The following PCED1B variants were observed in gnomAD, a reference collection of about 807,000 sequenced individuals.
The protein encoded by PCED1B is PC-esterase domain containing 1B.
For synonymous variants in PCED1B, 251 were observed against 246.1 expected (o/e 1.02, Z -0.19); for missense variants, 573 against 573.9 (o/e 1.00, Z 0.02).
chr12:47,096,987 G>A (rs1487294502), intron 1 of PCED1B, among the ~76,000 whole-genome samples: 4 of 152,138 alleles, frequency 2.6e-5, no homozygotes, highest in Non-Finnish European at 5.9e-5. Flanking sequence ...ATACCCAGTC[G>A]AATTCAAACA....
At chr12:47,197,577 C>T (rs1942644773) in intron 2 of PCED1B, among the ~76,000 whole-genome samples, 1 of 151,618 alleles carries the variant, frequency 6.6e-6, no homozygotes, top group Non-Finnish European at 1.5e-5. Context: ...CATTGCACTC[C>T]AGCCTGGGCA....
intron 2 of PCED1B, among the ~76,000 whole-genome samples, chr12:47,191,300 T>G (rs1942432125): frequency 6.6e-6 from 1 of 152,140 alleles, no homozygotes; most frequent in South Asian, 2.1e-4. Flanking sequence ...TTTCCAGACT[T>G]TTTTCACTCC....
At chr12:47,167,277 T>G (rs1313244952) in intron 2 of PCED1B, among the ~76,000 whole-genome samples, 2 of 152,048 alleles carry the variant, frequency 1.3e-5, no homozygotes, top group South Asian at 2.1e-4. Flanking sequence ...TTTTGGGGGG[T>G]GTAGCATATC....
intron 1 of PCED1B, among the ~76,000 whole-genome samples, chr12:47,081,333 A>G (rs1218198320): frequency 6.6e-6 from 1 of 152,178 alleles, no homozygotes; most frequent in Non-Finnish European, 1.5e-5. Flanking sequence ...CACTTGAGCA[A>G]TCTTGAATTT....
chr12:47,152,185 G>T (rs1265612007), intron 2 of PCED1B, among the ~76,000 whole-genome samples: 3 of 152,168 alleles, frequency 2.0e-5, no homozygotes, highest in African/African-American at 7.2e-5. Context: ...TAGGATATTT[G>T]CAGAGTCTCA....
intron 2 of PCED1B, among the ~76,000 whole-genome samples, chr12:47,207,561 C>A (rs910043756): frequency 5.3e-5 from 8 of 152,222 alleles, no homozygotes; most frequent in African/African-American, 1.9e-4. Context: ...ACTACCTTTT[C>A]TCTTAGCATG....
chr12:47,158,125 A>G (rs1941254013), intron 2 of PCED1B, among the ~76,000 whole-genome samples: 1 of 152,230 alleles, frequency 6.6e-6, no homozygotes, highest in African/African-American at 2.4e-5. Context: ...ACATGGCTAT[A>G]CAAACATTTC....
In PCED1B at chr12:47,236,004, C is replaced by G. The variant is rs995626055; in HGVS notation, c.941C>G (p.Pro314Arg). ...CCACCCCAGCGCTTGCCGCTGCTCC[C>G]GCTCCTGTCCCCACAGCCTCCTCCT... ...GFPPQRLPLL[P>R]LLSPQPPPPI... is the part of the protein sequence containing the mutation. The change falls in exon 4 of 4, where the codon CCG (proline) becomes CGG (arginine). Residue 314 changes from proline to arginine, a missense_variant. Coordinates refer to ENST00000546455, the MANE Select transcript of PCED1B (RefSeq NM_138371.3). The G allele has an allele frequency of 6.2e-7, 1 of 1,613,248 alleles. No individual in the cohort carries two copies. The highest frequency in any genetic ancestry group is 8.5e-7 in the Non-Finnish European group (1 of 1,179,644).
At chr12:47,174,304 G>A (rs1219787212) in intron 2 of PCED1B, among the ~76,000 whole-genome samples, 2 of 151,976 alleles carry the variant, frequency 1.3e-5, no homozygotes, top group African/African-American at 4.8e-5. Context: ...AGCTACTCGG[G>A]AGGCTGAGGC....
At chr12:47,170,141 A>G (rs907862284) in intron 2 of PCED1B, among the ~76,000 whole-genome samples, 3 of 152,108 alleles carry the variant, frequency 2.0e-5, no homozygotes, top group African/African-American at 7.2e-5. Flanking sequence ...AACAAAGCAC[A>G]TCTTGCACTG....
chr12:47,230,925 C>T (rs913801086), intron 3 of PCED1B, among the ~76,000 whole-genome samples: 3 of 152,166 alleles, frequency 2.0e-5, no homozygotes, highest in Admixed American at 1.3e-4. Context: ...AAACAGTTTA[C>T]GTTTAATCCT....
chr12:47,208,687 G>A (rs1357329184), intron 2 of PCED1B: 1 of 151,952 alleles, frequency 6.6e-6, no homozygotes, highest in Non-Finnish European at 1.5e-5. Flanking sequence ...TTTTATTTTT[G>A]TATAGATAGG....
intron 2 of PCED1B, among the ~76,000 whole-genome samples, chr12:47,154,688 T>A (rs1007243262): frequency 6.6e-6 from 1 of 151,950 alleles, no homozygotes; most frequent in Non-Finnish European, 1.5e-5. Context: ...TCCCAACTAC[T>A]CATAATCCCT....
intron 2 of PCED1B, among the ~76,000 whole-genome samples, chr12:47,205,096 A>G (rs2137730079): frequency 6.6e-6 from 1 of 152,330 alleles, no homozygotes; most frequent in South Asian, 2.1e-4. Context: ...CAGCCTCTCC[A>G]GAGTTCAGGG....
intron 2 of PCED1B, among the ~76,000 whole-genome samples, chr12:47,196,401 GCTTAA>G (rs1368024726): frequency 6.6e-6 from 1 of 152,204 alleles, no homozygotes; most frequent in African/African-American, 2.4e-5. Context: ...GATTGTTCAA[GCTTAA>G]CTTAAGTAAT....
chr12:47,175,897 C>G (rs1232343053), intron 2 of PCED1B, among the ~76,000 whole-genome samples: 1 of 143,112 alleles, frequency 7.0e-6, no homozygotes, highest in East Asian at 2.0e-4. Flanking sequence ...AATTTTATTT[C>G]TTTTTTTTTT....
At chr12:47,190,808 G>A (rs189965692) in intron 2 of PCED1B, among the ~76,000 whole-genome samples, 1 of 152,192 alleles carries the variant, frequency 6.6e-6, no homozygotes, top group Non-Finnish European at 1.5e-5. Context: ...GAGGGTGCGA[G>A]AGGCACCTCT....
At chr12:47,157,166 A>G (rs1941219942) in intron 2 of PCED1B, among the ~76,000 whole-genome samples, 1 of 152,158 alleles carries the variant, frequency 6.6e-6, no homozygotes, top group African/African-American at 2.4e-5. Flanking sequence ...GGGTTTCTCT[A>G]TATAATTTTT....
intron 2 of PCED1B, among the ~76,000 whole-genome samples, chr12:47,124,646 G>T (rs114690752): frequency 0.01 from 1,571 of 152,046 alleles, 25 homozygotes; most frequent in African/African-American, 0.036. Context: ...TGAATCAGCA[G>T]TATATGAGCA....
Sources: gnomAD v4.1 joint callset for allele counts (sites outside exome capture counted in the v4.1 genomes callset) on GRCh38, gnomAD v4.1.1 for gene constraint, MANE v1.5 for transcripts, NCBI Gene and HGNC (gene_info 2026-07-23, HGNC 2026-07-21) for gene names.